Variants in PDZRN3 observed in about 807,000 individuals in gnomAD.
PDZRN3 encodes PDZ domain containing ring finger 3, also known as E3 ubiquitin-protein ligase PDZRN3.
A neutral mutation model predicts 85.7 loss-of-function variants in PDZRN3; 38 were observed. That is an observed-to-expected ratio of 0.44 (90% CI 0.34 to 0.58). PDZRN3 has a LOEUF of 0.58. Among genes scored for constraint, PDZRN3 ranks in the 20% least tolerant of loss-of-function variants. The pLI is 0.01. For missense variants in PDZRN3, 1,629 were observed against 1,506.4 expected (o/e 1.08, Z -1.35); for synonymous variants, 759 against 638.0 (o/e 1.19, Z -2.86).
chr3:73,601,813 T>C (rs1702519645), intron 3 of PDZRN3, among the ~76,000 whole-genome samples: 1 of 152,172 alleles, frequency 6.6e-6, no homozygotes, highest in African/African-American at 2.4e-5. Context: ...TAAGTGATGA[T>C]ATGTGAACCC....
chr3:73,437,766 C>T (rs796431384), intron 3 of PDZRN3, among the ~76,000 whole-genome samples: 28 of 152,052 alleles, frequency 1.8e-4, no homozygotes, highest in African/African-American at 6.7e-4. Flanking sequence ...TCATCTAGCA[C>T]ATTTAGAATG....
chr3:73,477,902 C>T (rs753155106), intron 3 of PDZRN3, among the ~76,000 whole-genome samples: 10 of 152,326 alleles, frequency 6.6e-5, no homozygotes, highest in Non-Finnish European at 1.3e-4. Flanking sequence ...TGCAGGGGAA[C>T]TGTCCTGTAT....
At chr3:73,575,753 G>A (rs964396076) in intron 3 of PDZRN3, among the ~76,000 whole-genome samples, 3 of 152,196 alleles carry the variant, frequency 2.0e-5, no homozygotes, top group Non-Finnish European at 4.4e-5. Flanking sequence ...AGGTTCTTCA[G>A]CTCTGTATGC....
chr3:73,504,975 G>C (rs1286219938), intron 3 of PDZRN3, among the ~76,000 whole-genome samples: 1 of 152,190 alleles, frequency 6.6e-6, no homozygotes, highest in African/African-American at 2.4e-5. Flanking sequence ...ATGTGCTTGT[G>C]ATAGGAAAAG....
intron 3 of PDZRN3, among the ~76,000 whole-genome samples, chr3:73,530,747 A>G (rs1575713677): frequency 6.6e-6 from 1 of 152,178 alleles, no homozygotes; most frequent in East Asian, 1.9e-4. Flanking sequence ...TTTCTTATGT[A>G]CCTCAAAATT....
intron 3 of PDZRN3, among the ~76,000 whole-genome samples, chr3:73,431,673 T>C (rs1702433865): frequency 6.6e-6 from 1 of 152,220 alleles, no homozygotes; most frequent in Admixed American, 6.6e-5. Context: ...GAAAAGTAGT[T>C]TGAGTTTCTT....
At chr3:73,414,477 T>C (rs1054088621) in intron 3 of PDZRN3, among the ~76,000 whole-genome samples, 2 of 152,242 alleles carry the variant, frequency 1.3e-5, no homozygotes, top group African/African-American at 4.8e-5. Flanking sequence ...AAAATTATGA[T>C]GTGTATCACT....
chr3:73,457,861 A>G (rs1355700004), intron 3 of PDZRN3, among the ~76,000 whole-genome samples: 2 of 152,140 alleles, frequency 1.3e-5, no homozygotes, highest in African/African-American at 4.8e-5. Flanking sequence ...TCTTCACTAG[A>G]CATCAAATCT....
At chr3:73,472,040 T>C (rs1374248990) in intron 3 of PDZRN3, among the ~76,000 whole-genome samples, 6 of 152,178 alleles carry the variant, frequency 3.9e-5, no homozygotes, top group Admixed American at 3.9e-4. Flanking sequence ...CCATGCTGAT[T>C]TACTATTTTT....
chr3:73,443,370 A>C (rs765174382), intron 3 of PDZRN3, among the ~76,000 whole-genome samples: 6 of 151,762 alleles, frequency 4.0e-5, no homozygotes, highest in Non-Finnish European at 8.8e-5. Flanking sequence ...TTCCACATGG[A>C]GTCTTCCCAC....
At chr3:73,406,629 A>G (rs1041148469) in intron 3 of PDZRN3, among the ~76,000 whole-genome samples, 3 of 152,196 alleles carry the variant, frequency 2.0e-5, no homozygotes, top group Admixed American at 6.5e-5. Flanking sequence ...TTATACCCAC[A>G]ATGAATTCAG....
chr3:73,515,103 A>T (rs907590387), intron 3 of PDZRN3, among the ~76,000 whole-genome samples: 2 of 151,722 alleles, frequency 1.3e-5, no homozygotes, highest in Non-Finnish European at 2.9e-5. Context: ...CTCCAAGGAC[A>T]CAAAAGCCTA....
chr3:73,564,852 T>C (rs1701908662), intron 3 of PDZRN3, among the ~76,000 whole-genome samples: 1 of 152,164 alleles, frequency 6.6e-6, no homozygotes, highest in Non-Finnish European at 1.5e-5. Flanking sequence ...ATAATATAAT[T>C]ATTGTGTTAC....
At chr3:73,401,183 T>C (rs1701741380) in intron 4 of PDZRN3, 174 bp from the exon 5 acceptor site, 1 of 566,128 alleles carries the variant, frequency 1.8e-6, no homozygotes, top group South Asian at 2.1e-5. Context: ...TCATCCTAAT[T>C]TTACCATTTG....
intron 3 of PDZRN3, among the ~76,000 whole-genome samples, chr3:73,422,879 T>C (rs1359366286): frequency 5.9e-5 from 9 of 152,128 alleles, no homozygotes; most frequent in Admixed American, 5.9e-4. Flanking sequence ...GCTATAAATC[T>C]TGGATTTAGA....
chr3:73,582,776 T>C (rs1702220529), intron 3 of PDZRN3, among the ~76,000 whole-genome samples: 1 of 152,022 alleles, frequency 6.6e-6, no homozygotes, highest in African/African-American at 2.4e-5. Flanking sequence ...ACTTGTAAAA[T>C]GAGAATGATA....
At chr3:73,484,282 A>T (rs1703622125) in intron 3 of PDZRN3, among the ~76,000 whole-genome samples, 1 of 152,218 alleles carries the variant, frequency 6.6e-6, no homozygotes, top group Non-Finnish European at 1.5e-5. Flanking sequence ...TTTGAGGTAT[A>T]TTGACATTTG....
intron 3 of PDZRN3, among the ~76,000 whole-genome samples, chr3:73,451,030 C>T (rs1025115438): frequency 1.3e-5 from 2 of 152,092 alleles, no homozygotes; most frequent in African/African-American, 4.8e-5. Context: ...CCAATCCTGA[C>T]CTGTAAACTG....
chr3:73,565,786 A>AACACACACACACACAC (rs61564723), intron 3 of PDZRN3, among the ~76,000 whole-genome samples: 3 of 37,914 alleles, frequency 7.9e-5, no homozygotes, highest in African/African-American at 1.4e-4. Flanking sequence ...AAAAATACAA[A>AACACACACACACACAC]ACACACACAC....
Sources: gnomAD v4.1 joint callset for allele counts (sites outside exome capture counted in the v4.1 genomes callset) on GRCh38, gnomAD v4.1.1 for gene constraint, MANE v1.5 for transcripts, NCBI Gene and HGNC (gene_info 2026-07-23, HGNC 2026-07-21) for gene names.